Variants in LRRTM4 observed in about 807,000 individuals in gnomAD.
LRRTM4 encodes the protein leucine-rich repeat transmembrane neuronal protein 4.
LRRTM4 carries 25 observed loss-of-function variants against 47.6 expected under a neutral mutation model. That is an observed-to-expected ratio of 0.53 (90% CI 0.38 to 0.73). The LOEUF (loss-of-function observed/expected upper bound fraction) is 0.73, where lower values mean the gene tolerates loss of function less well. Ranked by LOEUF, LRRTM4 falls within the 30% of genes least tolerant of loss-of-function variation. LRRTM4 has a pLI of 0.00. For synonymous variants in LRRTM4, 311 were observed against 269.5 expected (o/e 1.15, Z -1.51); for missense variants, 638 against 713.4 (o/e 0.89, Z 1.20).
At chr2:77,446,216 T>G (rs546125929) in intron 3 of LRRTM4, among the ~76,000 whole-genome samples, 38 of 152,164 alleles carry the variant, frequency 2.5e-4, no homozygotes, top group Non-Finnish European at 4.9e-4. Context: ...TGTTTCTCCA[T>G]CTTGGCACTA....
chr2:77,354,480 C>G (rs1452260229), intron 3 of LRRTM4, among the ~76,000 whole-genome samples: 1 of 152,092 alleles, frequency 6.6e-6, no homozygotes, highest in Non-Finnish European at 1.5e-5. Flanking sequence ...ATATTTCAAA[C>G]TTGGCTATCA....
intron 3 of LRRTM4, among the ~76,000 whole-genome samples, chr2:76,918,278 G>A (rs1674320839): frequency 2.0e-5 from 3 of 152,246 alleles, no homozygotes; most frequent in South Asian, 2.1e-4. Flanking sequence ...CAACAAACTT[G>A]TAGCAAATAA....
intron 3 of LRRTM4, among the ~76,000 whole-genome samples, chr2:77,037,834 T>C (rs879930228): frequency 6.6e-5 from 10 of 151,694 alleles, no homozygotes; most frequent in Non-Finnish European, 1.5e-4. Context: ...AGTGTTAATC[T>C]CACAATTTAA....
intron 3 of LRRTM4, among the ~76,000 whole-genome samples, chr2:77,030,963 C>T (rs1415774923): frequency 6.6e-6 from 1 of 152,098 alleles, no homozygotes; most frequent in Non-Finnish European, 1.5e-5. Flanking sequence ...GTGTCAATGG[C>T]TATTGATGTA....
chr2:77,047,009 T>C (rs904263849), intron 3 of LRRTM4, among the ~76,000 whole-genome samples: 1 of 152,062 alleles, frequency 6.6e-6, no homozygotes, highest in Non-Finnish European at 1.5e-5. Flanking sequence ...ATAATAAAGA[T>C]ACATTCTGCT....
intron 3 of LRRTM4, among the ~76,000 whole-genome samples, chr2:76,957,901 CAT>C (rs1485984599): frequency 6.6e-6 from 1 of 151,158 alleles, no homozygotes; most frequent in Admixed American, 6.6e-5. Flanking sequence ...TATATGTATA[CAT>C]ATATGTGTTT....
At chr2:77,272,145 C>G (rs372982794) in intron 3 of LRRTM4, among the ~76,000 whole-genome samples, 83 of 152,244 alleles carry the variant, frequency 5.5e-4, no homozygotes, top group Admixed American at 1.6e-3. Context: ...CTGTAACACT[C>G]TTATTTTCTC....
intron 3 of LRRTM4, among the ~76,000 whole-genome samples, chr2:77,153,526 G>A (rs1398995714): frequency 6.6e-6 from 1 of 152,114 alleles, no homozygotes; most frequent in Non-Finnish European, 1.5e-5. Flanking sequence ...GAAAAGAAAT[G>A]TAGAATTGCT....
In LRRTM4 at chr2:76,869,302, C is replaced by T. The variant is rs138983387; in HGVS notation, c.1552-120386G>A. Among the ~76,000 whole-genome samples the T allele has an allele frequency of 1.0e-3, 156 of 149,540 alleles. 1 individual carries two copies. The East Asian group carries it at 0.022, about 21-fold the overall frequency. ...CCAGCCTGGCGAGAGAGCAAGACTT[C>T]ATCTCAAAGAAAAAAAAAAATGTAA... On this transcript the variant is annotated intron_variant, in intron 3 of 3. Transcript: ENST00000409884.
intron 3 of LRRTM4, among the ~76,000 whole-genome samples, chr2:77,411,424 C>CTTTGTT (rs72056870): frequency 0.051 from 4,775 of 94,368 alleles, 330 homozygotes; most frequent in African/African-American, 0.13. Flanking sequence ...TTTCTTGTTT[C>CTTTGTT]TCTCTCTCTC....
At chr2:77,493,757 A>T (rs1678256536) in intron 3 of LRRTM4, among the ~76,000 whole-genome samples, 1 of 152,134 alleles carries the variant, frequency 6.6e-6, no homozygotes. Flanking sequence ...TATAAGGATG[A>T]CATCAATGAA....
intron 3 of LRRTM4, among the ~76,000 whole-genome samples, chr2:77,294,546 G>C (rs1676916655): frequency 6.6e-6 from 1 of 152,066 alleles, no homozygotes; most frequent in African/African-American, 2.4e-5. Flanking sequence ...TCTTACATAT[G>C]TCTTCAGAAG....
intron 3 of LRRTM4, among the ~76,000 whole-genome samples, chr2:77,422,945 G>A (rs182938355): frequency 1.5e-4 from 23 of 151,990 alleles, no homozygotes; most frequent in Non-Finnish European, 1.5e-4. Context: ...CATATTAAGG[G>A]AAAAAACATA....
chr2:77,077,962 G>C (rs961716008), intron 3 of LRRTM4, among the ~76,000 whole-genome samples: 1 of 152,168 alleles, frequency 6.6e-6, no homozygotes, highest in African/African-American at 2.4e-5. Flanking sequence ...ACACAAAGAA[G>C]TAATTTGTGT....
At chr2:76,870,513 T>C (rs1263017502) in intron 3 of LRRTM4, among the ~76,000 whole-genome samples, 2 of 152,144 alleles carry the variant, frequency 1.3e-5, no homozygotes, top group South Asian at 2.1e-4. Context: ...TGGAGCAATA[T>C]GTCAAGCTTA....
chr2:76,839,895 A>C (rs575811705), intron 3 of LRRTM4, among the ~76,000 whole-genome samples: 59 of 152,168 alleles, frequency 3.9e-4, no homozygotes, highest in African/African-American at 1.4e-3. Context: ...TCTTATTGGG[A>C]AATTCTTGTT....
At chr2:77,425,975 G>T (rs1304266960) in intron 3 of LRRTM4, among the ~76,000 whole-genome samples, 1 of 151,722 alleles carries the variant, frequency 6.6e-6, no homozygotes, top group Admixed American at 6.6e-5. Context: ...AAATTAGCTG[G>T]CATGGTGGTG....
At chr2:77,078,178 G>A (rs141521030) in intron 3 of LRRTM4, among the ~76,000 whole-genome samples, 1 of 152,170 alleles carries the variant, frequency 6.6e-6, no homozygotes, top group Non-Finnish European at 1.5e-5. Context: ...ACCTCCATAA[G>A]CCATCTGACA....
At chr2:76,921,766 A>T (rs1447234299) in intron 3 of LRRTM4, among the ~76,000 whole-genome samples, 1 of 151,862 alleles carries the variant, frequency 6.6e-6, no homozygotes, top group East Asian at 1.9e-4. Context: ...GGATGTTCTT[A>T]CTTTCTGGAA....
Sources: allele counts gnomAD v4.1 joint callset (sites outside exome capture counted in the v4.1 genomes callset), GRCh38; gene constraint gnomAD v4.1.1; transcripts MANE v1.5; gene names NCBI Gene and HGNC (gene_info 2026-07-23, HGNC 2026-07-21).